Variants in PCDH9 observed in about 807,000 individuals in gnomAD.
The protein encoded by PCDH9 is protocadherin-9.
Under a neutral mutation model 70.6 loss-of-function variants are expected in PCDH9, and 24 were observed. The ratio of observed to expected loss-of-function variants is 0.34; its 90% CI spans 0.25 to 0.48. The LOEUF is 0.48. Ranked by LOEUF, PCDH9 falls within the 20% of genes least tolerant of loss-of-function variation. The pLI, the probability that PCDH9 is intolerant of heterozygous loss-of-function variation, is 0.99. For missense variants in PCDH9, 1,281 were observed against 1,503.6 expected, an observed-to-expected ratio of 0.85 and a Z score of 2.45; for synonymous variants, 562 against 558.5, an observed-to-expected ratio of 1.01 and a Z score of -0.09.
chr13:66,325,410 A>C (rs1955825793), intron 4 of PCDH9, among the ~76,000 whole-genome samples: 2 of 152,018 alleles, frequency 1.3e-5, no homozygotes, highest in East Asian at 3.9e-4. Context: ...AGTTTTCTGT[A>C]TCCTATGAGA....
At chr13:66,698,936 A>G (rs1296079492) in intron 3 of PCDH9, among the ~76,000 whole-genome samples, 3 of 114,128 alleles carry the variant, frequency 2.6e-5, no homozygotes, top group Non-Finnish European at 5.0e-5. Flanking sequence ...TGTTGTTGAG[A>G]TGGAGTCTCA....
At chr13:67,160,760 C>T (rs995110549) in intron 2 of PCDH9, among the ~76,000 whole-genome samples, 3 of 152,152 alleles carry the variant, frequency 2.0e-5, no homozygotes, top group Non-Finnish European at 2.9e-5. Context: ...AAGTTACTTA[C>T]ACTCACAGGA....
intron 2 of PCDH9, among the ~76,000 whole-genome samples, chr13:67,120,187 A>AAATAATAATAATAATAATAATAATAAT (rs149316252): frequency 7.0e-6 from 1 of 143,744 alleles, no homozygotes; most frequent in Admixed American, 7.0e-5. Flanking sequence ...CTCATGCATT[A>AAATAATAATAATAATAATAATAATAAT]AATAATAATA....
At chr13:67,125,703 A>G (rs2086963938) in intron 2 of PCDH9, among the ~76,000 whole-genome samples, 1 of 152,172 alleles carries the variant, frequency 6.6e-6, no homozygotes, top group Admixed American at 6.6e-5. Context: ...ATCACCTCTC[A>G]CATATTCCAA....
chr13:66,555,017 A>C (rs764556575), intron 4 of PCDH9, among the ~76,000 whole-genome samples: 3 of 152,022 alleles, frequency 2.0e-5, no homozygotes, highest in Non-Finnish European at 4.4e-5. Context: ...TAAAAATACA[A>C]AATTAGCCTG....
chr13:66,998,227 A>G (rs1280698137), intron 2 of PCDH9, among the ~76,000 whole-genome samples: 1 of 152,182 alleles, frequency 6.6e-6, no homozygotes, highest in Non-Finnish European at 1.5e-5. Flanking sequence ...GGAGATTAGA[A>G]GAGGGCAGGA....
chr13:66,387,324 G>T (rs1956946833), intron 4 of PCDH9, among the ~76,000 whole-genome samples: 1 of 151,988 alleles, frequency 6.6e-6, no homozygotes, highest in Admixed American at 6.6e-5. Context: ...CAAAGAGCTT[G>T]TGCCTTTCTC....
At chr13:66,809,065 A>G (rs563215630) in intron 3 of PCDH9, among the ~76,000 whole-genome samples, 1 of 152,296 alleles carries the variant, frequency 6.6e-6, no homozygotes, top group South Asian at 2.1e-4. Context: ...CTCCTGCCTC[A>G]GCCTCCTGAG....
At chr13:66,898,642 G>A (rs1033709379) in intron 3 of PCDH9, among the ~76,000 whole-genome samples, 1 of 151,888 alleles carries the variant, frequency 6.6e-6, no homozygotes, top group African/African-American at 2.4e-5. Flanking sequence ...GAAAATAAAG[G>A]TGTGTCGTAT....
At chr13:67,153,724 C>G (rs1227285270) in intron 2 of PCDH9, among the ~76,000 whole-genome samples, 2 of 152,074 alleles carry the variant, frequency 1.3e-5, no homozygotes, top group Admixed American at 1.3e-4. Context: ...TAGTATCTAC[C>G]CTCTTTGCTA....
At chr13:66,938,694 C>T (rs1357219945) in intron 2 of PCDH9, among the ~76,000 whole-genome samples, 1 of 152,144 alleles carries the variant, frequency 6.6e-6, no homozygotes, top group Non-Finnish European at 1.5e-5. Context: ...TCCACTCTTT[C>T]ATCTTAAGCC....
intron 2 of PCDH9, among the ~76,000 whole-genome samples, chr13:66,939,316 T>C (rs374874291): frequency 2.4e-4 from 36 of 152,320 alleles, no homozygotes; most frequent in African/African-American, 7.7e-4. Flanking sequence ...TTTTCTGAAC[T>C]GTGTATGTGT....
intron 3 of PCDH9, among the ~76,000 whole-genome samples, chr13:66,633,058 C>G (rs1403819744): frequency 1.3e-5 from 2 of 152,000 alleles, no homozygotes; most frequent in African/African-American, 2.4e-5. Flanking sequence ...CAGAAGACAG[C>G]CTATATCCTG....
chr13:66,488,728 A>C (rs1456428832), intron 4 of PCDH9, among the ~76,000 whole-genome samples: 4 of 152,198 alleles, frequency 2.6e-5, no homozygotes, highest in Non-Finnish European at 5.9e-5. Flanking sequence ...TGAATTTAAT[A>C]TAATGACATT....
At chr13:67,152,470 G>A (rs976053930) in intron 2 of PCDH9, among the ~76,000 whole-genome samples, 4 of 152,132 alleles carry the variant, frequency 2.6e-5, no homozygotes, top group African/African-American at 9.7e-5. Context: ...TTCAACAACA[G>A]TAAATCAGTT....
chr13:66,602,215 C>A lies in PCDH9; in HGVS notation c.3340+28995G>T, dbSNP rs541135563. Among the ~76,000 whole-genome samples the A allele has an allele frequency of 1.5e-3, 218 of 145,642 alleles. 13 individuals are homozygous for A. The highest frequency in any genetic ancestry group is 5.0e-3 in the African/African-American group (202 of 40,498). On this transcript the variant is annotated intron_variant, in intron 4 of 4. Coordinates refer to ENST00000377865, the MANE Select transcript of PCDH9 (RefSeq NM_203487.3). ...GATAAACTAAAATAAATCACACACA[C>A]AAAAAAAATCTCATCATGTTTTAAG...
chr13:67,153,784 A>G lies in PCDH9; in HGVS notation c.3036+71621T>C, dbSNP rs115133092. Reference sequence around the variant, plus strand: ...TTTTATTCACAGTTACAGGAGGTTTACCATTTGCTGAAATAATACATTTAC... The same window carrying G: ...TTTTATTCACAGTTACAGGAGGTTTGCCATTTGCTGAAATAATACATTTAC... On this transcript the variant is annotated intron_variant, in intron 2 of 4. Coordinates refer to ENST00000377865, the MANE Select transcript of PCDH9 (RefSeq NM_203487.3). Among the ~76,000 whole-genome samples, 383 of 152,358 alleles carry G rather than the reference A, an allele frequency of 2.5e-3. 1 individual carries two copies. The highest frequency in any genetic ancestry group is 8.6e-3 in the African/African-American group (358 of 41,586).
intron 2 of PCDH9, among the ~76,000 whole-genome samples, chr13:67,155,507 A>T (rs1357953036): frequency 6.6e-6 from 1 of 152,214 alleles, no homozygotes; most frequent in Non-Finnish European, 1.5e-5. Flanking sequence ...AACTTATGAA[A>T]AACAACTATT....
At chr13:66,799,246 G>A (rs555364071) in intron 3 of PCDH9, among the ~76,000 whole-genome samples, 62 of 152,268 alleles carry the variant, frequency 4.1e-4, no homozygotes, top group East Asian at 1.5e-3. Flanking sequence ...GTTGGAAAGC[G>A]TTGGAGATAG....
Sources: allele counts gnomAD v4.1 joint callset (sites outside exome capture counted in the v4.1 genomes callset), GRCh38; gene constraint gnomAD v4.1.1; transcripts MANE v1.5; gene names NCBI Gene and HGNC (gene_info 2026-07-23, HGNC 2026-07-21).